ZRANB1: variants seen among roughly 807,000 people sequenced by gnomAD.
ZRANB1 encodes zinc finger RANBP2-type containing 1.
ZRANB1 carries 16 observed loss-of-function variants against 80.5 expected under a neutral mutation model. The observed-to-expected ratio is 0.20, with a 90% CI of 0.13 to 0.30. The LOEUF (loss-of-function observed/expected upper bound fraction) is 0.30. Among genes scored for constraint, ZRANB1 ranks in the 10% least tolerant of loss-of-function variants. The pLI, the probability that ZRANB1 is intolerant of heterozygous loss-of-function variation, is 1.00. For missense variants in ZRANB1, 576 were observed against 862.6 expected, an observed-to-expected ratio of 0.67 and a Z score of 4.16; for synonymous variants, 291 against 293.1, an observed-to-expected ratio of 0.99 and a Z score of 0.07.
chr10:124,974,234 CTTGGAA>C lies in ZRANB1; in HGVS notation c.1268_1273del (p.Glu423_Leu424del), dbSNP rs1158063973. ...AAGAATCTCCAATTATTAACTGGTC[CTTGGAA>C]TTGGCTACACGTTTGGACAGTCGAC... On this transcript the variant is annotated inframe_deletion, in exon 5 of 9. Coordinates refer to ENST00000359653, the MANE Select transcript of ZRANB1 (RefSeq NM_017580.3). 6.2e-7 allele frequency: 1 copy of C among 1,614,186 alleles called. No individual in the cohort carries two copies.
At chr10:124,945,027 A>T (rs1951568450) in intron 1 of ZRANB1, among the ~76,000 whole-genome samples, 1 of 152,204 alleles carries the variant, frequency 6.6e-6, no homozygotes, top group Admixed American at 6.5e-5. Flanking sequence ...TATGATTGTC[A>T]GTTAAAAAAA....
chr10:124,928,459 T>C, the ZRANB1 span, among the ~76,000 whole-genome samples: 1 of 152,300 alleles, frequency 6.6e-6, no homozygotes, highest in South Asian at 2.1e-4. Flanking sequence ...TGGGAAGATA[T>C]GTCAGGGATA....
chr10:124,968,398 A>AT (rs1450434679), intron 2 of ZRANB1, among the ~76,000 whole-genome samples: 1 of 152,220 alleles, frequency 6.6e-6, no homozygotes, highest in Non-Finnish European at 1.5e-5. Context: ...ACATGATTGT[A>AT]GTAGCTAACC....
chr10:124,974,303 A>G lies in ZRANB1; in HGVS notation c.1332A>G (p.Leu444=), dbSNP rs368300788. The G allele has an allele frequency of 3.1e-6, 5 of 1,614,128 alleles. No individual in the cohort carries two copies. The highest frequency in any genetic ancestry group is 2.7e-5 in the African/African-American group (2 of 74,936). Residue 444 remains leucine (L), a synonymous_variant, in exon 5 of 9, where the codon CTA becomes CTG. Coordinates refer to ENST00000359653, the MANE Select transcript of ZRANB1 (RefSeq NM_017580.3). ...ALWNRTAGDC[L]LDSVLQATWG... is the part of the protein sequence containing the mutation. ...GGAACCGGACTGCAGGAGACTGCCT[A>G]CTTGATTCAGTTCTACAAGCTACCT...
rs767725727 is a variant in ZRANB1 at position 124,973,721 on chromosome 10, G to A, written c.1228+5G>A. On this transcript the variant is annotated splice_donor_5th_base_variant and intron_variant, in intron 4 of 8. Transcript: ENST00000359653. ...TTGATAGAGACGTTCAAAAAGGTAA[G>A]CATGGAATTAATGAGTATAATTTAC... 1.8e-5 allele frequency: 29 copies of A among 1,611,396 alleles called. No homozygotes were observed. The highest frequency in any genetic ancestry group is 2.3e-5 in the Non-Finnish European group (27 of 1,179,136).
chr10:124,918,602 G>C, the ZRANB1 span, among the ~76,000 whole-genome samples: 2 of 152,154 alleles, frequency 1.3e-5, no homozygotes, highest in South Asian at 4.1e-4. Flanking sequence ...CCCTGTTTTG[G>C]TCAAACATGG....
At chr10:124,962,333 C>A in intron 1 of ZRANB1, 1 of 982,512 alleles carries the variant, frequency 1.0e-6, no homozygotes, top group Non-Finnish European at 1.2e-6. Flanking sequence ...CCTGACCCCA[C>A]AGCATAAACC....
chr10:124,967,905 C>CTTTT (rs34098442), intron 2 of ZRANB1, among the ~76,000 whole-genome samples: 2 of 142,162 alleles, frequency 1.4e-5, no homozygotes, highest in African/African-American at 5.2e-5. Flanking sequence ...TTTTTTCTTT[C>CTTTT]TTTTTTTTTT....
rs757748504 is a variant in ZRANB1, at chr10:124,955,683, AG to A, written c.815-10910del. Among the ~76,000 whole-genome samples, 5 of 152,324 alleles carry A rather than the reference AG, an allele frequency of 3.3e-5. No individual in the cohort carries two copies. In the East Asian group the frequency reaches 9.6e-4, roughly 29 times the overall value. Reference sequence around the variant, plus strand: ...CATGAAATAAGTATTATCTTCAGGTAGTTTTTGTTTTTCAAGTTTTTAAGGA... The same window carrying A: ...CATGAAATAAGTATTATCTTCAGGTATTTTTGTTTTTCAAGTTTTTAAGGA... On this transcript the variant is annotated intron_variant, in intron 1 of 8. Coordinates refer to ENST00000359653, the MANE Select transcript of ZRANB1 (RefSeq NM_017580.3).
the ZRANB1 span, among the ~76,000 whole-genome samples, chr10:124,923,986 G>A: frequency 6.6e-6 from 1 of 151,932 alleles, no homozygotes; most frequent in Non-Finnish European, 1.5e-5. Flanking sequence ...TATATTGAGG[G>A]CAAACTGTCC....
At chr10:124,939,104 G>A (rs1333046096), upstream of ZRANB1, among the ~76,000 whole-genome samples, 1 of 152,128 alleles carries the variant, frequency 6.6e-6, no homozygotes, top group Non-Finnish European at 1.5e-5. Context: ...TTGAACCTGG[G>A]AGTGAAGGCT....
intron 1 of ZRANB1, among the ~76,000 whole-genome samples, chr10:124,965,155 G>A (rs1187428316): frequency 6.6e-6 from 1 of 152,200 alleles, no homozygotes; most frequent in Non-Finnish European, 1.5e-5. Flanking sequence ...AGGGTACACT[G>A]TTCCTCAGAA....
At chr10:124,930,366 A>G in the ZRANB1 span, among the ~76,000 whole-genome samples, 1 of 152,104 alleles carries the variant, frequency 6.6e-6, no homozygotes. Flanking sequence ...CCTGGGTTCA[A>G]GCAATTCTCC....
At chr10:124,966,277 T>G (rs1951774890) in intron 1 of ZRANB1, among the ~76,000 whole-genome samples, 1 of 151,976 alleles carries the variant, frequency 6.6e-6, no homozygotes, top group African/African-American at 2.4e-5. Context: ...GTGTCTCTTG[T>G]TACGTCTGGT....
the ZRANB1 span, among the ~76,000 whole-genome samples, chr10:124,925,983 G>A: frequency 2.0e-5 from 3 of 152,178 alleles, no homozygotes; most frequent in East Asian, 1.9e-4. Context: ...GGCCATAAAC[G>A]CTGTATAGCA....
At chr10:124,927,818 C>G in the ZRANB1 span, among the ~76,000 whole-genome samples, 2 of 152,166 alleles carry the variant, frequency 1.3e-5, no homozygotes, top group African/African-American at 2.4e-5. Context: ...GGGCAGATCA[C>G]TTGAGGCCAG....
At chr10:124,931,302 G>C in the ZRANB1 span, among the ~76,000 whole-genome samples, 1 of 150,390 alleles carries the variant, frequency 6.6e-6, no homozygotes, top group East Asian at 1.9e-4. Flanking sequence ...GAACTCCTAG[G>C]CCTCCCAAGG....
chr10:124,944,781 G>A (rs1951566100), intron 1 of ZRANB1, among the ~76,000 whole-genome samples: 1 of 152,084 alleles, frequency 6.6e-6, no homozygotes, highest in Admixed American at 6.5e-5. Context: ...GGCATAATTT[G>A]CTGTGCCCAG....
chr10:124,923,454 C>T, the ZRANB1 span, among the ~76,000 whole-genome samples: 9 of 149,808 alleles, frequency 6.0e-5, no homozygotes, highest in South Asian at 1.3e-3. Flanking sequence ...ATTAGCTGGG[C>T]GTGGTGGTGC....
Sources: gnomAD v4.1 joint callset for allele counts (sites outside exome capture counted in the v4.1 genomes callset) on GRCh38, gnomAD v4.1.1 for gene constraint, MANE v1.5 for transcripts, NCBI Gene and HGNC (gene_info 2026-07-23, HGNC 2026-07-21) for gene names.